The following KANK1 variants were observed in gnomAD, a reference collection of about 807,000 sequenced individuals.
KANK1 encodes the protein KN motif and ankyrin repeat domains 1.
In KANK1, 109 loss-of-function variants were observed where a neutral mutation model predicts 106.2. That is an observed-to-expected ratio of 1.03 (90% CI 0.88 to 1.20). KANK1 has a LOEUF of 1.20. Among genes scored for constraint, KANK1 ranks in the 50% most tolerant of loss-of-function variants. KANK1 has a pLI of 0.00. For synonymous variants in KANK1, 873 were observed against 652.2 expected, an observed-to-expected ratio of 1.34 and a Z score of -5.16; for missense variants, 2,399 against 1,710.7, an observed-to-expected ratio of 1.40 and a Z score of -7.10.
At chr9:552,011 G>A (rs999276806) in intron 1 of KANK1, among the ~76,000 whole-genome samples, 2 of 152,090 alleles carry the variant, frequency 1.3e-5, no homozygotes, top group African/African-American at 2.4e-5. Flanking sequence ...AGCTATGATC[G>A]CACCACTGTA....
chr9:570,427 C>A (rs983715955), intron 1 of KANK1, among the ~76,000 whole-genome samples: 1 of 152,082 alleles, frequency 6.6e-6, no homozygotes, highest in African/African-American at 2.4e-5. Context: ...GTGTACAGCT[C>A]GCCGTATAAA....
At chr9:648,090 G>A (rs528550821) in intron 1 of KANK1, among the ~76,000 whole-genome samples, 5 of 142,044 alleles carry the variant, frequency 3.5e-5, no homozygotes, top group South Asian at 2.2e-4. Context: ...TGCAACCTCC[G>A]CATCCCGGGT....
intron 1 of KANK1, among the ~76,000 whole-genome samples, chr9:536,835 G>A (rs1233986944): frequency 6.6e-6 from 1 of 152,200 alleles, no homozygotes; most frequent in Non-Finnish European, 1.5e-5. Flanking sequence ...ATGATAAGGT[G>A]TAGACACAAT....
At chr9:555,089 A>T (rs886658652) in intron 1 of KANK1, among the ~76,000 whole-genome samples, 7 of 152,216 alleles carry the variant, frequency 4.6e-5, no homozygotes, top group Non-Finnish European at 1.5e-5. Flanking sequence ...CTGCTGGCCT[A>T]GCGACCACAC....
chr9:495,547 C>G (rs1352628798), intron 3 of KANK1: 3 of 151,988 alleles, frequency 2.0e-5, no homozygotes, highest in Admixed American at 2.0e-4. Flanking sequence ...AAAAAAAAAT[C>G]ATGATTGAAG....
chr9:657,277 T>C (rs541575266), intron 1 of KANK1, among the ~76,000 whole-genome samples: 2 of 152,346 alleles, frequency 1.3e-5, no homozygotes, highest in East Asian at 3.9e-4. Flanking sequence ...CATCTGTTAA[T>C]GGACTTTTAG....
intron 1 of KANK1, among the ~76,000 whole-genome samples, chr9:519,353 G>T (rs906273570): frequency 1.3e-5 from 2 of 151,692 alleles, no homozygotes; most frequent in Non-Finnish European, 2.9e-5. Flanking sequence ...TGCAAAAGGT[G>T]GTGTTGAATA....
intron 1 of KANK1, among the ~76,000 whole-genome samples, chr9:585,124 C>T (rs1823137172): frequency 6.6e-6 from 1 of 152,176 alleles, no homozygotes; most frequent in Admixed American, 6.6e-5. Flanking sequence ...GCCTCTGTAA[C>T]CACTCAGTGT....
intron 1 of KANK1, among the ~76,000 whole-genome samples, chr9:515,156 A>G (rs1587409321): frequency 1.3e-5 from 2 of 151,638 alleles, no homozygotes; most frequent in South Asian, 4.1e-4. Flanking sequence ...ATCCTGGCTA[A>G]CACAGTGAAA....
intron 1 of KANK1, among the ~76,000 whole-genome samples, chr9:673,200 CTT>C (rs542647158): frequency 0.13 from 12,199 of 95,394 alleles, 207 homozygotes; most frequent in East Asian, 0.18. Context: ...ACAGTGTCTT[CTT>C]TTTTTTTTTT....
At position 725,896 on chromosome 9, in the gene KANK1, C is replaced by T. The variant is rs1188988825; in HGVS notation, c.2699-4155C>T. ...ACTTTGAAAGGGATAAAGTTGTGAT[C>T]ACCTGACATTGTGAGTAGATTTAAA... is the stretch of plus-strand genomic sequence containing the variant. On this transcript the variant is annotated intron_variant, in intron 3 of 11. Transcript: ENST00000382297. Among the ~76,000 whole-genome samples, 3 of 152,114 alleles carry T rather than the reference C, an allele frequency of 2.0e-5. No homozygotes were observed. The East Asian group carries it at 5.8e-4, about 29-fold the overall frequency.
intron 1 of KANK1, among the ~76,000 whole-genome samples, chr9:573,739 G>A (rs1306615574): frequency 6.8e-6 from 1 of 148,068 alleles, no homozygotes; most frequent in East Asian, 2.0e-4. Flanking sequence ...CTCACCCATT[G>A]ATTGATGGTT....
At chr9:559,511 G>C (rs1815810604) in intron 1 of KANK1, among the ~76,000 whole-genome samples, 1 of 152,172 alleles carries the variant, frequency 6.6e-6, no homozygotes, top group East Asian at 1.9e-4. Flanking sequence ...ATTATATCTT[G>C]GGACACTTAA....
intron 1 of KANK1, among the ~76,000 whole-genome samples, chr9:594,746 T>C (rs533188026): frequency 6.6e-6 from 1 of 151,784 alleles, no homozygotes; most frequent in South Asian, 2.1e-4. Flanking sequence ...TTCTAGAATT[T>C]AAAAAAATTA....
At chr9:648,321 G>T (rs1297950281) in intron 1 of KANK1, among the ~76,000 whole-genome samples, 1 of 151,986 alleles carries the variant, frequency 6.6e-6, no homozygotes, top group Admixed American at 6.6e-5. Context: ...CCTTTAACTT[G>T]TATTAACTGC....
chr9:744,749 C>CAAAAAAAAAA, intron 11 of KANK1, 160 bp downstream of exon 11: 2 of 1,506,586 alleles, frequency 1.3e-6, no homozygotes, highest in Admixed American at 2.2e-5. Flanking sequence ...CTCCACCCCG[C>CAAAAAAAAAA]AAAAAGCAGG....
At chr9:598,688 T>C (rs2361090) in intron 1 of KANK1, among the ~76,000 whole-genome samples, 2 of 124,394 alleles carry the variant, frequency 1.6e-5, no homozygotes, top group Non-Finnish European at 3.2e-5. Context: ...TGGAGTGCGG[T>C]GGCACGACCT....
At chr9:730,430 A>T (rs942961121) in intron 4 of KANK1, 182 bp downstream of exon 4, 8 of 655,368 alleles carry the variant, frequency 1.2e-5, no homozygotes, top group Non-Finnish European at 2.1e-5. Context: ...GGTGGCTCAC[A>T]CCTGTGATCC....
At chr9:596,403 G>C (rs1826217431) in intron 1 of KANK1, among the ~76,000 whole-genome samples, 2 of 151,844 alleles carry the variant, frequency 1.3e-5, no homozygotes, top group African/African-American at 4.9e-5. Flanking sequence ...AGTTCGGGTA[G>C]AGAAAAGACT....
Sources: allele counts gnomAD v4.1 joint callset (sites outside exome capture counted in the v4.1 genomes callset), GRCh38; gene constraint gnomAD v4.1.1; transcripts MANE v1.5; gene names NCBI Gene and HGNC (gene_info 2026-07-23, HGNC 2026-07-21).